TTC12: variants seen among roughly 807,000 people sequenced by gnomAD.
TTC12 encodes tetratricopeptide repeat protein 12.
TTC12 carries 70 observed loss-of-function variants against 90.1 expected under a neutral mutation model. That is an observed-to-expected ratio of 0.78 (90% CI 0.64 to 0.95). TTC12 has a LOEUF of 0.95. Ranked by LOEUF, TTC12 falls within the 40% of genes least tolerant of loss-of-function variation. TTC12 has a pLI of 0.00. For synonymous variants in TTC12, 296 were observed against 311.5 expected (o/e 0.95, Z 0.53); for missense variants, 819 against 846.1 (o/e 0.97, Z 0.40).
chr11:113,367,728 G>T (rs1378231646), downstream of TTC12, among the ~76,000 whole-genome samples: 1 of 152,082 alleles, frequency 6.6e-6, no homozygotes, highest in African/African-American at 2.4e-5. Context: ...GACGGGGGTG[G>T]GCGGTGGAAG....
chr11:113,320,436 G>C (rs1947238183), intron 2 of TTC12, among the ~76,000 whole-genome samples: 1 of 152,100 alleles, frequency 6.6e-6, no homozygotes, highest in Admixed American at 6.5e-5. Context: ...AGAGGAGTTT[G>C]GCTGGGAGCA....
Position 113,325,674 on chromosome 11 carries a change from GC to G in TTC12, c.444+30del, listed in dbSNP as rs782720731. The G allele has an allele frequency of 3.1e-6, 5 of 1,609,266 alleles. No homozygotes were observed. The African/African-American group carries it at 6.7e-5, about 22-fold the overall frequency. On this transcript the variant is annotated intron_variant, in intron 6 of 21. Coordinates refer to ENST00000529221, the MANE Select transcript of TTC12 (RefSeq NM_017868.4). ...AGTGAGGCAGGGATGTATCCATGGG[GC>G]TTTCTCAGGGAATAGTTGCCACTAA...
intron 15 of TTC12, 150 bp downstream of exon 15, chr11:113,351,449 A>T (rs913962188): frequency 1.6e-5 from 12 of 733,818 alleles, no homozygotes; most frequent in Non-Finnish European, 2.5e-5. Context: ...ATTCTCAGTT[A>T]TTGAAACAGC....
rs1217676012 is a variant in TTC12 at position 113,364,981 on chromosome 11, G to A, written c.1963G>A (p.Ala655Thr). The change falls in exon 21 of 22, where the codon GCA (alanine) becomes ACA (threonine). Residue 655 changes from alanine to threonine, a missense_variant. Physicochemically the swap from Ala to Thr is moderately conservative, Grantham distance 58. Transcript: ENST00000529221. ...TDLLQVLLKL[A>T]GSDTQKTAVQ... ...CCTTTTGCAGGTCTTGTTAAAGCTT[G>A]CAGGCAGTGACACACAGAAGACGGC... 1.2e-6 allele frequency: 2 copies of A among 1,614,154 alleles called. No individual in the cohort carries two copies.
At chr11:113,335,712 T>A (rs1948331933) in intron 8 of TTC12, among the ~76,000 whole-genome samples, 1 of 152,224 alleles carries the variant, frequency 6.6e-6, no homozygotes, top group Non-Finnish European at 1.5e-5. Flanking sequence ...GTTCACTTAG[T>A]ATAATGTTTG....
At chr11:113,320,530 C>A (rs565947554) in intron 2 of TTC12, among the ~76,000 whole-genome samples, 1 of 152,280 alleles carries the variant, frequency 6.6e-6, no homozygotes, top group South Asian at 2.1e-4. Context: ...AGCTCCCCAT[C>A]CATCCCACTG....
Position 113,335,016 on chromosome 11 carries a change from G to T in TTC12, c.555G>T (p.Leu185=). 1 of 1,613,658 alleles carries T rather than the reference G, an allele frequency of 6.2e-7. No individual in the cohort carries two copies. Among genetic ancestry groups the T allele is most frequent in the South Asian group, 1.1e-5 (1 of 91,066 alleles). The stretch of plus-strand genomic sequence containing the variant: ...ATTTTCACATGGGAAAAGCCAACCT[G>T]GCCCTGAAGAACTACAGTGTGGTAA... ...KAYFHMGKAN[L]ALKNYSVSRE... The change falls in exon 8 of 22, where the codon CTG becomes CTT. Residue 185 remains leucine (L), a synonymous_variant. Transcript: ENST00000529221.
chr11:113,359,600 G>A, intron 17 of TTC12, 139 bp downstream of exon 17: 1 of 658,960 alleles, frequency 1.5e-6, no homozygotes, highest in Non-Finnish European at 2.7e-6. Context: ...AAGGCTGGAG[G>A]GATGCGCTCT....
In TTC12 at chr11:113,325,558, A is replaced by G. The variant is rs1947633918; in HGVS notation, c.357A>G (p.Glu119=). Residue 119 remains glutamate, a synonymous_variant, in exon 6 of 22, where the codon GAA becomes GAG. Transcript: ENST00000529221. ...AAAAAGGGAATGAAGCATTTGCTGA[A>G]GGCAATTATGAAACAGCTATCCTGC... ...LKEKGNEAFA[E]GNYETAILRY... 1 of 1,613,992 alleles carries G rather than the reference A, an allele frequency of 6.2e-7. No homozygotes were observed. The highest frequency in any genetic ancestry group is 8.5e-7 in the Non-Finnish European group (1 of 1,179,846).
intron 7 of TTC12, 110 bp downstream of exon 7, chr11:113,330,089 A>C (rs1947953744): frequency 1.2e-6 from 1 of 839,620 alleles, no homozygotes; most frequent in African/African-American, 1.7e-5. Context: ...CCAGAGCTTC[A>C]GTTTCCTCAT....
chr11:113,368,722 A>G (rs1400003883), downstream of TTC12: 1 of 562,280 alleles, frequency 1.8e-6, no homozygotes, highest in Non-Finnish European at 3.2e-6. Context: ...ACGGGCTGCT[A>G]TTGTAAACAC....
intron 18 of TTC12, 25 bp from the exon 19 acceptor site, chr11:113,362,376 A>T (rs1555155489): frequency 6.4e-7 from 1 of 1,556,582 alleles, no homozygotes. Flanking sequence ...AGGACATTTA[A>T]TTATCCTCTT....
intron 18 of TTC12, among the ~76,000 whole-genome samples, chr11:113,362,015 A>G (rs1591208049): frequency 1.3e-5 from 2 of 152,070 alleles, no homozygotes; most frequent in Non-Finnish European, 2.9e-5. Flanking sequence ...CCCAGAAACT[A>G]GAACAAAAGA....
downstream of TTC12, chr11:113,368,146 G>A (rs1477739896): frequency 7.5e-7 from 1 of 1,336,942 alleles, no homozygotes; most frequent in East Asian, 4.2e-5. Context: ...TCCCCAAAGA[G>A]TGGGGAATGT....
chr11:113,320,978 A>G (rs1415070942), intron 2 of TTC12, among the ~76,000 whole-genome samples: 1 of 152,176 alleles, frequency 6.6e-6, no homozygotes, highest in Non-Finnish European at 1.5e-5. Context: ...AGGGGTTCAA[A>G]TCGAGCCTGG....
In TTC12 at chr11:113,366,252, T is replaced by A. The variant is rs61744785; in HGVS notation, c.2070T>A (p.His690Gln). Residue 690 changes from histidine (H) to glutamine (Q), a missense_variant, in exon 22 of 22, where the codon CAT becomes CAA. By Grantham distance (24) the His-to-Gln change is conservative. Coordinates refer to ENST00000529221, the MANE Select transcript of TTC12 (RefSeq NM_017868.4). ...PRFAAQLRKL[H>Q]GLEILNSTMK... ...TTGCTGCTCAACTGAGAAAGCTTCATGGCCTAGAAATTCTCAACTCTACGA... is the reference window on the plus strand; with the variant it reads ...TTGCTGCTCAACTGAGAAAGCTTCAAGGCCTAGAAATTCTCAACTCTACGA... 1 of 1,613,782 alleles carries A rather than the reference T, an allele frequency of 6.2e-7. No individual in the cohort carries two copies. The highest frequency in any genetic ancestry group is 8.5e-7 in the Non-Finnish European group (1 of 1,180,040).
At chr11:113,317,800 CT>C (rs34184490) in intron 2 of TTC12, among the ~76,000 whole-genome samples, 37,178 of 151,396 alleles carry the variant, frequency 0.25, 5,194 homozygotes, top group East Asian at 0.34. Flanking sequence ...GCCTCTTCAT[CT>C]TTTTTTTTAA....
rs966833334 is a variant in TTC12 at position 113,365,075 on chromosome 11, C to T, written c.2042+15C>T. ...GCTGAGCCCAGGTATGCTGTGGACA[C>T]GGAGCCAGGCTGACCTATTGCAGAA... On this transcript the variant is annotated intron_variant, in intron 21 of 21. Transcript: ENST00000529221. 5.0e-6 allele frequency: 8 copies of T among 1,608,504 alleles called. No individual in the cohort carries two copies. Among genetic ancestry groups the T allele is most frequent in the African/African-American group, 1.3e-5 (1 of 74,808 alleles).
rs200589468 is a variant in TTC12 at position 113,364,861 on chromosome 11, A to T, written c.1843A>T (p.Ser615Cys). 1 of 1,614,186 alleles carries T rather than the reference A, an allele frequency of 6.2e-7. No homozygotes were observed. ...GTTGAGCGTTATGATGAAGCTGCTC[A>T]GCTCGGAGGATGAGGTTCTGGTGGG... is the stretch of plus-strand genomic sequence containing the variant. ...KKLSVMMKLLSSEDEVLVGNA... is the reference protein window; with the variant it reads ...KKLSVMMKLLCSEDEVLVGNA... The change falls in exon 21 of 22, where the codon AGC becomes TGC. Residue 615 changes from serine to cysteine, a missense_variant. Physicochemically the swap from Ser to Cys is moderately radical, Grantham distance 112. Coordinates refer to ENST00000529221, the MANE Select transcript of TTC12 (RefSeq NM_017868.4).
Sources: allele counts gnomAD v4.1 joint callset (sites outside exome capture counted in the v4.1 genomes callset), GRCh38; gene constraint gnomAD v4.1.1; transcripts MANE v1.5; gene names NCBI Gene and HGNC (gene_info 2026-07-23, HGNC 2026-07-21).